GPM6A: variants seen among roughly 807,000 people sequenced by gnomAD.
GPM6A encodes neuronal membrane glycoprotein M6-a.
Under a neutral mutation model 32.1 loss-of-function variants are expected in GPM6A, and 7 were observed. The ratio of observed to expected loss-of-function variants is 0.22; its 90% confidence interval spans 0.12 to 0.41. GPM6A has a LOEUF of 0.41. GPM6A is among the 10% of genes least tolerant of loss of function. GPM6A has a pLI of 1.00. For missense variants in GPM6A, 235 were observed against 347.2 expected (o/e 0.68, Z 2.57); for synonymous variants, 130 against 123.4 (o/e 1.05, Z -0.35).
At chr4:175,847,770 G>C (rs1736135298) in intron 1 of GPM6A, among the ~76,000 whole-genome samples, 1 of 152,034 alleles carries the variant, frequency 6.6e-6, no homozygotes, top group Admixed American at 6.6e-5. Flanking sequence ...TGTGAAGAAG[G>C]AAAAAAATTT....
At chr4:175,637,636 T>A (rs867690633) in intron 6 of GPM6A, among the ~76,000 whole-genome samples, 1 of 44,774 alleles carries the variant, frequency 2.2e-5, no homozygotes, top group Non-Finnish European at 4.4e-5. Flanking sequence ...TATATATATA[T>A]TATATATTAT....
chr4:175,791,426 G>A (rs62336051), intron 1 of GPM6A, among the ~76,000 whole-genome samples: 9,067 of 152,252 alleles, frequency 0.06, 387 homozygotes, highest in Middle Eastern at 0.11. Flanking sequence ...CTTGCCATAT[G>A]CCACCCAGTC....
At chr4:175,858,473 A>T (rs748405891) in intron 1 of GPM6A, among the ~76,000 whole-genome samples, 5 of 151,808 alleles carry the variant, frequency 3.3e-5, no homozygotes, top group African/African-American at 4.8e-5. Flanking sequence ...AGGAGGTTGC[A>T]GTGATCTGAG....
At chr4:175,888,553 GGTTGCT>G (rs1267985040) in intron 1 of GPM6A, among the ~76,000 whole-genome samples, 2 of 151,976 alleles carry the variant, frequency 1.3e-5, no homozygotes, top group African/African-American at 4.8e-5. Context: ...ACTTCTGCAA[GGTTGCT>G]GAATATAAGA....
chr4:175,899,906 G>T (rs1174962062), intron 1 of GPM6A, among the ~76,000 whole-genome samples: 1 of 152,030 alleles, frequency 6.6e-6, no homozygotes. Flanking sequence ...GCACAGCAAA[G>T]GATCTAATCA....
chr4:175,853,507 T>TTC (rs1553995541), intron 1 of GPM6A, among the ~76,000 whole-genome samples: 1 of 149,830 alleles, frequency 6.7e-6, no homozygotes, highest in East Asian at 1.9e-4. Flanking sequence ...ACAAGTTCTT[T>TTC]TTTTTTTTTT....
intron 1 of GPM6A, among the ~76,000 whole-genome samples, chr4:175,984,505 G>A (rs1398965340): frequency 2.6e-5 from 4 of 151,878 alleles, no homozygotes; most frequent in Non-Finnish European, 4.4e-5. Context: ...TGTATCATTT[G>A]TCTTTTTTCT....
At chr4:175,901,455 T>C (rs993958373) in intron 1 of GPM6A, among the ~76,000 whole-genome samples, 2 of 151,368 alleles carry the variant, frequency 1.3e-5, no homozygotes, top group Non-Finnish European at 2.9e-5. Flanking sequence ...AATAGAAAAA[T>C]TAAAAATAAA....
chr4:175,789,552 G>T (rs1029319330), intron 1 of GPM6A, among the ~76,000 whole-genome samples: 1 of 152,076 alleles, frequency 6.6e-6, no homozygotes, highest in African/African-American at 2.4e-5. Flanking sequence ...AATGTCTTCT[G>T]AGGTATGAGA....
chr4:175,756,360 G>A (rs1732523027), intron 1 of GPM6A, among the ~76,000 whole-genome samples: 1 of 152,098 alleles, frequency 6.6e-6, no homozygotes, highest in Non-Finnish European at 1.5e-5. Context: ...GTTCAGTAAA[G>A]GAATGACAAG....
At chr4:175,842,354 G>A (rs1735963316) in intron 1 of GPM6A, among the ~76,000 whole-genome samples, 1 of 152,108 alleles carries the variant, frequency 6.6e-6, no homozygotes, top group Non-Finnish European at 1.5e-5. Context: ...CCTGTGTAGT[G>A]AGGAAAGGGC....
intron 1 of GPM6A, among the ~76,000 whole-genome samples, chr4:176,000,713 A>C (rs78522832): frequency 9.8e-5 from 15 of 152,288 alleles, no homozygotes; most frequent in Non-Finnish European, 1.9e-4. Context: ...GTGAGCATAG[A>C]AACAAGAGTT....
chr4:175,746,996 G>GTAATCC (rs1732129999), intron 1 of GPM6A, among the ~76,000 whole-genome samples: 1 of 152,154 alleles, frequency 6.6e-6, no homozygotes, highest in East Asian at 1.9e-4. Context: ...ACCTAGGCTG[G>GTAATCC]CATGGTGGCT....
At chr4:175,941,849 G>C (rs1176425290) in intron 1 of GPM6A, among the ~76,000 whole-genome samples, 1 of 152,096 alleles carries the variant, frequency 6.6e-6, no homozygotes, top group African/African-American at 2.4e-5. Context: ...AAACATACGT[G>C]TGCATGTTTA....
chr4:175,714,245 T>G (rs1403267434), intron 1 of GPM6A, among the ~76,000 whole-genome samples: 1 of 152,172 alleles, frequency 6.6e-6, no homozygotes, highest in African/African-American at 2.4e-5. Context: ...ATATGCATGT[T>G]AATACAAAGA....
chr4:175,989,009 T>A (rs2126456608), intron 1 of GPM6A, among the ~76,000 whole-genome samples: 1 of 152,246 alleles, frequency 6.6e-6, no homozygotes, highest in Admixed American at 6.5e-5. Context: ...GTACCCCAAT[T>A]CTGTAGTCTT....
At chr4:175,817,431 G>A (rs923920315) in intron 1 of GPM6A, among the ~76,000 whole-genome samples, 14 of 152,316 alleles carry the variant, frequency 9.2e-5, no homozygotes, top group African/African-American at 2.4e-4. Context: ...GCCTAGCAGC[G>A]TAGGACAGAC....
chr4:175,742,718 G>A (rs1050424285), intron 1 of GPM6A, among the ~76,000 whole-genome samples: 1 of 152,106 alleles, frequency 6.6e-6, no homozygotes, highest in Non-Finnish European at 1.5e-5. Context: ...ACATACACAA[G>A]AGCAGAAGTG....
At chr4:175,731,894 G>A (rs957203655) in intron 1 of GPM6A, among the ~76,000 whole-genome samples, 15 of 151,864 alleles carry the variant, frequency 9.9e-5, no homozygotes, top group African/African-American at 3.6e-4. Flanking sequence ...TTTTTGCACT[G>A]GCTGTTCCTT....
Sources: allele counts gnomAD v4.1 joint callset (sites outside exome capture counted in the v4.1 genomes callset), GRCh38; gene constraint gnomAD v4.1.1; transcripts MANE v1.5; gene names NCBI Gene and HGNC (gene_info 2026-07-23, HGNC 2026-07-21).